The following ITGA3 variants were observed in gnomAD, a reference collection of about 807,000 sequenced individuals.
ITGA3 encodes integrin alpha-3.
ITGA3 carries 70 observed loss-of-function variants against 131.1 expected under a neutral mutation model. The ratio of observed to expected loss-of-function variants is 0.53; its 90% CI spans 0.44 to 0.65. ITGA3 has a LOEUF of 0.65. Ranked by LOEUF, ITGA3 falls within the 30% of genes least tolerant of loss-of-function variation. The probability of loss-of-function intolerance (pLI) is 0.00; values close to 1 mark genes in which losing one functional copy is unlikely to be tolerated. For missense variants in ITGA3, 1,098 were observed against 1,388.6 expected, an observed-to-expected ratio of 0.79 and a Z score of 3.33; for synonymous variants, 537 against 571.6, an observed-to-expected ratio of 0.94 and a Z score of 0.86.
In ITGA3 at chr17:50,075,616, G is replaced by A; in HGVS notation, c.1555G>A (p.Glu519Lys). The A allele has an allele frequency of 6.2e-7, 1 of 1,614,240 alleles. No individual in the cohort carries two copies. The highest frequency in any genetic ancestry group is 8.5e-7 in the Non-Finnish European group (1 of 1,180,040). ...RRNITLAYTL[E>K]ADRDRRPPRL... ...ACCTGTAGCCCTGGCCTACACTCTG[G>A]AGGCTGACAGGGACCGCCGGCCGCC... The change falls in exon 12 of 26, where the codon GAG becomes AAG. Residue 519 changes from glutamate to lysine, a missense_variant. Coordinates refer to ENST00000320031, the MANE Select transcript of ITGA3 (RefSeq NM_002204.4).
chr17:50,060,270 CT>C (rs879391450), intron 1 of ITGA3, among the ~76,000 whole-genome samples: 1 of 152,196 alleles, frequency 6.6e-6, no homozygotes, highest in African/African-American at 2.4e-5. Flanking sequence ...CTCTGGAATC[CT>C]CCCATGGAGC....
chr17:50,075,504 C>G lies in ITGA3; in HGVS notation c.1515C>G (p.Asn505Lys). The stretch of plus-strand genomic sequence containing the variant: ...TTGCTTACAACCAGAGTGCCGGGAA[C>G]CCCAACTACAGGCGAAACATCAGTG... ...LCFAYNQSAGNPNYRRNITLA... is the reference protein window; with the variant it reads ...LCFAYNQSAGKPNYRRNITLA... The change falls in exon 11 of 26, where the codon AAC (asparagine) becomes AAG (lysine). Residue 505 changes from asparagine (N) to lysine (K), a missense_variant. Asn to Lys is a moderately conservative substitution (Grantham distance 94, BLOSUM62 0). Coordinates refer to ENST00000320031, the MANE Select transcript of ITGA3 (RefSeq NM_002204.4). 6.2e-7 allele frequency: 1 copy of G among 1,614,224 alleles called. No individual in the cohort carries two copies. Among genetic ancestry groups the G allele is most frequent in the Non-Finnish European group, 8.5e-7 (1 of 1,180,046 alleles).
intron 25 of ITGA3, among the ~76,000 whole-genome samples, chr17:50,088,706 T>C (rs1402851692): frequency 6.6e-6 from 1 of 152,150 alleles, no homozygotes; most frequent in Non-Finnish European, 1.5e-5. Flanking sequence ...ACACTCCCAT[T>C]TCCACCCCTA....
At chr17:50,079,925 C>T (rs1340130898) in intron 21 of ITGA3, among the ~76,000 whole-genome samples, 3 of 152,108 alleles carry the variant, frequency 2.0e-5, no homozygotes, top group Admixed American at 2.0e-4. Flanking sequence ...CCTGGCAAGC[C>T]GGTTGAAGCC....
At chr17:50,059,496 A>G (rs944578419) in intron 1 of ITGA3, among the ~76,000 whole-genome samples, 1 of 152,172 alleles carries the variant, frequency 6.6e-6, no homozygotes, top group African/African-American at 2.4e-5. Context: ...CTCTCCTAAC[A>G]TCATGTTTCC....
rs765977482 is a variant in ITGA3, at chr17:50,075,545, C to T, written c.1537+19C>T. On this transcript the variant is annotated intron_variant, in intron 11 of 25. Coordinates refer to ENST00000320031, the MANE Select transcript of ITGA3 (RefSeq NM_002204.4). ...AACATCAGTGAGTGCTGGGGTGCAG[C>T]GTAAAAGGGGTACGCTCCCCTGTCC... 10 of 1,614,074 alleles carry T rather than the reference C, an allele frequency of 6.2e-6. No individual in the cohort carries two copies. The African/African-American group carries it at 6.7e-5, about 11-fold the overall frequency.
Position 50,068,182 on chromosome 17 carries a change from C to G in ITGA3, c.541C>G (p.His181Asp). ...CTCCAGTGATGACTGGCAGACCTAC[C>G]ACAACGAGATGTGCAATAGCAACAC... is the stretch of plus-strand genomic sequence containing the variant. ...LDSSDDWQTY[H>D]NEMCNSNTDY... The change falls in exon 4 of 26, where the codon CAC becomes GAC. Residue 181 changes from histidine (H) to aspartate (D), a missense_variant. Coordinates refer to ENST00000320031, the MANE Select transcript of ITGA3 (RefSeq NM_002204.4). 1 of 1,614,176 alleles carries G rather than the reference C, an allele frequency of 6.2e-7. No homozygotes were observed. The highest frequency in any genetic ancestry group is 8.5e-7 in the Non-Finnish European group (1 of 1,180,034).
intron 5 of ITGA3, 91 bp from the exon 6 acceptor site, chr17:50,071,220 G>C: frequency 2.6e-6 from 3 of 1,143,376 alleles, no homozygotes; most frequent in Non-Finnish European, 3.8e-6. Flanking sequence ...CATCATGGTG[G>C]GGGGCAAGAG....
intron 10 of ITGA3, among the ~76,000 whole-genome samples, chr17:50,075,081 A>G (rs1001723144): frequency 1.6e-4 from 25 of 152,332 alleles, no homozygotes; most frequent in African/African-American, 5.8e-4. Flanking sequence ...GTGAATGAGG[A>G]TTTTGGATCA....
rs1002601413 is a variant in ITGA3, at chr17:50,077,384, G to A, written c.2076G>A (p.Gly692=). ...ALLLSSVRPP[G]ACQANETIFC... is the part of the protein sequence containing the mutation. ...TATTCGCCTTCTTTCCTCAGCCCGG[G>A]GCCTGCCAAGCTAATGAGACCATCT... Residue 692 remains glycine, a synonymous_variant, in exon 16 of 26, where the codon GGG becomes GGA. Transcript: ENST00000320031. The A allele has an allele frequency of 4.3e-6, 7 of 1,613,810 alleles. No homozygotes were observed. The highest frequency in any genetic ancestry group is 5.9e-6 in the Non-Finnish European group (7 of 1,179,876).
intron 22 of ITGA3, chr17:50,081,078 T>C: frequency 2.0e-6 from 1 of 509,564 alleles, no homozygotes; most frequent in Admixed American, 3.4e-5. Flanking sequence ...GTGACCTTCA[T>C]TGTTTCGGTT....
intron 15 of ITGA3, 39 bp from the exon 16 acceptor site, chr17:50,077,340 T>G: frequency 6.3e-7 from 1 of 1,586,984 alleles, no homozygotes; most frequent in Non-Finnish European, 8.7e-7. Context: ...CAAGCCCTAC[T>G]TTGACCCGAC....
intron 16 of ITGA3, 85 bp downstream of exon 16, chr17:50,077,532 C>T (rs1908972836): frequency 4.6e-6 from 5 of 1,095,698 alleles, no homozygotes; most frequent in South Asian, 1.3e-5. Context: ...CCTCTGCCTG[C>T]CTGCTTTCTG....
Position 50,081,736 on chromosome 17 carries a change from T to C in ITGA3, c.2919+328T>C, listed in dbSNP as rs746851550. On this transcript the variant is annotated intron_variant, in intron 23 of 25. Coordinates refer to ENST00000320031, the MANE Select transcript of ITGA3 (RefSeq NM_002204.4). ...TGGGACTGCCTCTCTATTTTATGGC[T>C]GAGAGGCTGAGGCCTAGAGAGACTT... 5.9e-5 allele frequency among the ~76,000 whole-genome samples: 9 copies of C among 152,296 alleles called. No homozygotes were observed. The South Asian group carries it at 1.7e-3, about 28-fold the overall frequency.
chr17:50,067,076 C>G (rs1908380636), intron 3 of ITGA3, among the ~76,000 whole-genome samples: 2 of 152,150 alleles, frequency 1.3e-5, no homozygotes. Context: ...ATTCTGCACC[C>G]TGGATCCTTT....
chr17:50,090,000 G>A lies in ITGA3; in HGVS notation c.*922G>A, dbSNP rs1039793638. 8 of 255,074 alleles carry A rather than the reference G, an allele frequency of 3.1e-5. No homozygotes were observed. The highest frequency in any genetic ancestry group is 1.3e-4 in the African/African-American group (6 of 44,492). The allele number at this position is 255,074 out of a possible 1,614,324, so 15.8% of individuals were successfully genotyped here. A position where few individuals can be genotyped will look rare whatever the true frequency, so the allele number is the denominator to read the frequency against. On this transcript the variant is annotated 3_prime_UTR_variant, in exon 26 of 26. Transcript: ENST00000320031. ...CCTGGGCTCACTGTGCTGGGGCACG[G>A]CGGGATCCTCCACAGAGAGGAGGGG...
chr17:50,063,095 G>A (rs1054272006), intron 1 of ITGA3, among the ~76,000 whole-genome samples: 7 of 152,196 alleles, frequency 4.6e-5, no homozygotes, highest in Non-Finnish European at 1.0e-4. Context: ...GGCATTTCAG[G>A]GCCAACCCCT....
chr17:50,077,877 G>T, intron 16 of ITGA3, 169 bp from the exon 17 acceptor site: 2 of 595,736 alleles, frequency 3.4e-6, no homozygotes, highest in Non-Finnish European at 3.0e-6. Flanking sequence ...GAGAAAGGGG[G>T]AAAGGGAGGC....
chr17:50,088,145 A>G, intron 24 of ITGA3, 80 bp from the exon 25 acceptor site: 1 of 1,487,452 alleles, frequency 6.7e-7, no homozygotes. Context: ...CCAGCCCTAA[A>G]GCCCTGGTCC....
Sources: allele counts gnomAD v4.1 joint callset (sites outside exome capture counted in the v4.1 genomes callset), GRCh38; gene constraint gnomAD v4.1.1; transcripts MANE v1.5; gene names NCBI Gene and HGNC (gene_info 2026-07-23, HGNC 2026-07-21).